Variants in IRAG1 observed in about 807,000 individuals in gnomAD.
The protein encoded by IRAG1 is inositol 1,4,5-triphosphate receptor associated 1, also known as IP3R-associated cGMP kinase substrate.
IRAG1 carries 62 observed loss-of-function variants against 106.2 expected under a neutral mutation model. The ratio of observed to expected loss-of-function variants is 0.58; its 90% CI spans 0.48 to 0.72. The LOEUF is 0.72. Ranked by LOEUF, IRAG1 falls within the 30% of genes least tolerant of loss-of-function variation. IRAG1 has a pLI of 0.00. For synonymous variants in IRAG1, 462 were observed against 443.9 expected (o/e 1.04, Z -0.51); for missense variants, 1,064 against 1,140.7 (o/e 0.93, Z 0.97).
At chr11:10,636,454 G>T (rs978741558) in intron 2 of IRAG1, among the ~76,000 whole-genome samples, 3 of 152,188 alleles carry the variant, frequency 2.0e-5, no homozygotes, top group Non-Finnish European at 4.4e-5. Flanking sequence ...TGGGATTAAA[G>T]GTGTGAGCCA....
chr11:10,576,186 A>T lies in IRAG1; in HGVS notation c.*146T>A. On this transcript the variant is annotated 3_prime_UTR_variant, in exon 21 of 21. Coordinates refer to ENST00000423302, the MANE Select transcript of IRAG1 (RefSeq NM_130385.4). ...GTCACTGTGTATGAATAGCTCCCACAGAAGTGCCGAGTGTTAAAAGAACCC... is the reference window on the plus strand; with the variant it reads ...GTCACTGTGTATGAATAGCTCCCACTGAAGTGCCGAGTGTTAAAAGAACCC... 1 of 1,016,360 alleles carries T rather than the reference A, an allele frequency of 9.8e-7. No homozygotes were observed. The highest frequency in any genetic ancestry group is 1.4e-6 in the Non-Finnish European group (1 of 705,928). The allele number at this position is 1,016,360 out of a possible 1,614,324, so 63.0% of individuals were successfully genotyped here.
chr11:10,670,606 A>G (rs1043865054), intron 1 of IRAG1, among the ~76,000 whole-genome samples: 2 of 152,192 alleles, frequency 1.3e-5, no homozygotes, highest in Admixed American at 1.3e-4. Context: ...GTGCCCCCCA[A>G]TACTCCTCCT....
intron 1 of IRAG1, among the ~76,000 whole-genome samples, chr11:10,669,441 G>GT (rs1860043319): frequency 1.3e-5 from 2 of 152,324 alleles, no homozygotes; most frequent in South Asian, 4.1e-4. Context: ...GCTTGACAGA[G>GT]TGTCTTCCCT....
At chr11:10,598,529 T>C (rs568147048) in intron 15 of IRAG1, among the ~76,000 whole-genome samples, 170 of 152,312 alleles carry the variant, frequency 1.1e-3, no homozygotes, top group Non-Finnish European at 2.0e-3. Flanking sequence ...AATACAAATG[T>C]TCCATAAACA....
chr11:10,623,486 TG>T (rs1855992437), intron 10 of IRAG1, among the ~76,000 whole-genome samples: 1 of 152,158 alleles, frequency 6.6e-6, no homozygotes, highest in Non-Finnish European at 1.5e-5. Context: ...GGCAGCTTCC[TG>T]GGTGTACGAG....
chr11:10,627,822 A>G (rs1856372463), intron 7 of IRAG1, 62 bp from the exon 8 acceptor site: 2 of 1,609,832 alleles, frequency 1.2e-6, no homozygotes, highest in African/African-American at 2.7e-5. Flanking sequence ...TCCTCTTGAA[A>G]TATCCCCAAG....
chr11:10,587,278 A>G lies in IRAG1; in HGVS notation c.2240+4270T>C, dbSNP rs116569113. On this transcript the variant is annotated intron_variant, in intron 18 of 20. Coordinates refer to ENST00000423302, the MANE Select transcript of IRAG1 (RefSeq NM_130385.4). The stretch of plus-strand genomic sequence containing the variant: ...GTATATTAGATTCAACTTTTCCCAC[A>G]TGGTAAACAATATTTGAAAGTGGCT... Among the ~76,000 whole-genome samples, 462 of 152,318 alleles carry G rather than the reference A, an allele frequency of 3.0e-3. 1 individual carries two copies. Among genetic ancestry groups the G allele is most frequent in the African/African-American group, 0.01 (436 of 41,574 alleles).
intron 18 of IRAG1, among the ~76,000 whole-genome samples, chr11:10,585,365 T>G (rs1851845233): frequency 6.6e-6 from 1 of 152,052 alleles, no homozygotes; most frequent in Admixed American, 6.5e-5. Flanking sequence ...AACATTAACT[T>G]ATATGTATCA....
intron 17 of IRAG1, among the ~76,000 whole-genome samples, chr11:10,592,041 C>G (rs1243526427): frequency 6.6e-6 from 1 of 152,204 alleles, no homozygotes; most frequent in Non-Finnish European, 1.5e-5. Context: ...GTACAATTCT[C>G]AGGAGATGCA....
chr11:10,652,351 T>C (rs1858596505), intron 1 of IRAG1, 169 bp from the exon 2 acceptor site: 1 of 1,437,842 alleles, frequency 7.0e-7, no homozygotes, highest in South Asian at 1.5e-5. Flanking sequence ...CCTCCGGCTC[T>C]CTGGCTTTGT....
Position 10,626,227 on chromosome 11 carries a change from C to T in IRAG1, c.1107G>A (p.Pro369=), listed in dbSNP as rs768672742. ...ASQGRGPAGE[P]MGPEAGSKAE... ...CTTTGGAGCCAGCCTCGGGCCCCATCGGCTCTCCAGCTGGGCCTCTCCCCT... is the reference window on the plus strand; with the variant it reads ...CTTTGGAGCCAGCCTCGGGCCCCATTGGCTCTCCAGCTGGGCCTCTCCCCT... Residue 369 remains proline, a synonymous_variant, in exon 9 of 21, where the codon CCG becomes CCA. Coordinates refer to ENST00000423302, the MANE Select transcript of IRAG1 (RefSeq NM_130385.4). The T allele has an allele frequency of 4.9e-5, 78 of 1,597,550 alleles. No homozygotes were observed. The East Asian group carries it at 1.2e-3, about 25-fold the overall frequency.
intron 1 of IRAG1, among the ~76,000 whole-genome samples, chr11:10,655,126 T>C (rs1858819392): frequency 2.0e-5 from 3 of 152,166 alleles, no homozygotes; most frequent in Admixed American, 2.0e-4. Flanking sequence ...CTACATCTCA[T>C]AGGAAACCTT....
At chr11:10,596,369 GCTT>G (rs1417953657) in intron 15 of IRAG1, among the ~76,000 whole-genome samples, 1 of 152,068 alleles carries the variant, frequency 6.6e-6, no homozygotes, top group Admixed American at 6.5e-5. Context: ...TATTCCATTG[GCTT>G]CTTCTATTAT....
chr11:10,688,436 G>A (rs965986733), intron 1 of IRAG1, among the ~76,000 whole-genome samples: 1 of 152,140 alleles, frequency 6.6e-6, no homozygotes, highest in East Asian at 1.9e-4. Flanking sequence ...TCCTCCTGAT[G>A]AGCCAGGAAG....
At chr11:10,621,521 C>T (rs768175077) in intron 10 of IRAG1, among the ~76,000 whole-genome samples, 18 of 152,124 alleles carry the variant, frequency 1.2e-4, no homozygotes, top group Non-Finnish European at 1.8e-4. Context: ...CAGAGCAGCC[C>T]CATTTGCATC....
intron 1 of IRAG1, among the ~76,000 whole-genome samples, chr11:10,678,583 C>G (rs199846282): frequency 2.0e-5 from 3 of 152,186 alleles, no homozygotes; most frequent in East Asian, 1.9e-4. Context: ...CTGACCCCAG[C>G]CCAGTGCCCT....
Position 10,659,139 on chromosome 11 carries a change from C to A in IRAG1, c.68-6957G>T, listed in dbSNP as rs1333961680. On this transcript the variant is annotated intron_variant, in intron 1 of 20. Transcript: ENST00000423302. The surrounding 1 kb of genome is among the most constrained non-coding windows in gnomAD (Gnocchi z 4.1). ...TATCCCTGTACTCATGATGACTCCCCCAAAACAGAGGTTTTTGTTCCACAG... is the reference window on the plus strand; with the variant it reads ...TATCCCTGTACTCATGATGACTCCCACAAAACAGAGGTTTTTGTTCCACAG... Among the ~76,000 whole-genome samples the A allele has an allele frequency of 6.6e-6, 1 of 152,232 alleles. No individual in the cohort carries two copies. The highest frequency in any genetic ancestry group is 1.5e-5 in the Non-Finnish European group (1 of 68,044).
At chr11:10,644,213 A>G (rs1199588111) in intron 2 of IRAG1, among the ~76,000 whole-genome samples, 1 of 152,254 alleles carries the variant, frequency 6.6e-6, no homozygotes. Context: ...ATTTGACCAC[A>G]GCACAGCTAG....
intron 20 of IRAG1, among the ~76,000 whole-genome samples, chr11:10,578,885 T>C (rs2134063219): frequency 6.6e-6 from 1 of 152,370 alleles, no homozygotes; most frequent in South Asian, 2.1e-4. Flanking sequence ...TCTCAGTGTT[T>C]GGAAGTGTTA....
Sources: gnomAD v4.1 joint callset for allele counts (sites outside exome capture counted in the v4.1 genomes callset) on GRCh38, gnomAD v4.1.1 for gene constraint, Gnocchi (gnomAD v3.1) non-coding constraint, MANE v1.5 for transcripts, NCBI Gene and HGNC (gene_info 2026-07-23, HGNC 2026-07-21) for gene names.